EYS: variants seen among roughly 807,000 people sequenced by gnomAD.
EYS encodes protein eyes shut homolog.
In EYS, 250 loss-of-function variants were observed where a neutral mutation model predicts 282.1. The observed-to-expected ratio is 0.89, with a 90% confidence interval of 0.80 to 0.98. EYS has a LOEUF of 0.98. EYS is among the 50% of genes least tolerant of loss of function. The pLI, the probability that EYS is intolerant of heterozygous loss-of-function variation, is 0.00. For missense variants in EYS, 4,016 were observed against 3,709.0 expected, an observed-to-expected ratio of 1.08 and a Z score of -2.15; for synonymous variants, 1,355 against 1,282.9, an observed-to-expected ratio of 1.06 and a Z score of -1.20.
Position 65,071,465 on chromosome 6 carries a change from A to C in EYS, c.2024-13738T>G, listed in dbSNP as rs1052545193. Among the ~76,000 whole-genome samples the C allele has an allele frequency of 2.0e-5, 3 of 151,798 alleles. No homozygotes were observed. The East Asian group carries it at 5.8e-4, about 29-fold the overall frequency. On this transcript the variant is annotated intron_variant, in intron 12 of 42. Coordinates refer to ENST00000503581, the MANE Select transcript of EYS (RefSeq NM_001142800.2). ...ATGGTAGTGTTGAAATAGTTTTTAG[A>C]TTTCTGTGAATGCCCATCTAATAAC...
chr6:65,285,208 C>T (rs555350612), intron 12 of EYS, among the ~76,000 whole-genome samples: 1 of 152,096 alleles, frequency 6.6e-6, no homozygotes, highest in African/African-American at 2.4e-5. Flanking sequence ...TTTTCTGCTA[C>T]ATTTTGTGGC....
chr6:65,613,366 C>T (rs897736278), intron 2 of EYS, among the ~76,000 whole-genome samples: 3 of 151,750 alleles, frequency 2.0e-5, no homozygotes, highest in Non-Finnish European at 4.4e-5. Context: ...ATTCTTCAAG[C>T]AATCTTGTCA....
chr6:63,867,553 G>A (rs1019245305), intron 35 of EYS, among the ~76,000 whole-genome samples: 3 of 152,156 alleles, frequency 2.0e-5, no homozygotes, highest in African/African-American at 7.2e-5. Flanking sequence ...GGATCCATGT[G>A]CCAAGTGGTG....
intron 31 of EYS, among the ~76,000 whole-genome samples, chr6:64,096,641 T>G (rs1288583554): frequency 6.6e-6 from 1 of 152,234 alleles, no homozygotes; most frequent in African/African-American, 2.4e-5. Flanking sequence ...TTATTCTAGT[T>G]AGCCATTCGT....
intron 12 of EYS, among the ~76,000 whole-genome samples, chr6:65,283,262 A>G (rs555692329): frequency 2.6e-5 from 4 of 152,034 alleles, no homozygotes; most frequent in Admixed American, 6.6e-5. Flanking sequence ...AACAAGTCTC[A>G]TTCTGTAATA....
intron 36 of EYS, among the ~76,000 whole-genome samples, chr6:63,808,109 G>A (rs1015331777): frequency 1.3e-5 from 2 of 152,078 alleles, no homozygotes; most frequent in Non-Finnish European, 2.9e-5. Context: ...CTAGATGCTG[G>A]TGACACAAAG....
chr6:64,017,452 G>A (rs969123158), intron 33 of EYS, among the ~76,000 whole-genome samples: 5 of 152,058 alleles, frequency 3.3e-5, no homozygotes, highest in Non-Finnish European at 5.9e-5. Flanking sequence ...TAAAAATCAG[G>A]TAATGTCATA....
intron 28 of EYS, chr6:64,400,174 T>G (rs757361502): frequency 8.6e-5 from 13 of 152,042 alleles, no homozygotes; most frequent in Admixed American, 2.6e-4. Context: ...AGAATTTCTA[T>G]TCATTGTCAC....
intron 30 of EYS, among the ~76,000 whole-genome samples, chr6:64,231,310 A>T (rs1209473961): frequency 1.3e-5 from 2 of 152,014 alleles, no homozygotes; most frequent in Non-Finnish European, 2.9e-5. Context: ...TTTTTTTACA[A>T]ATTTTAATAC....
chr6:64,108,167 C>T (rs778416583), intron 31 of EYS, among the ~76,000 whole-genome samples: 5 of 152,186 alleles, frequency 3.3e-5, no homozygotes, highest in Non-Finnish European at 5.9e-5. Context: ...TGAGGGGAAA[C>T]TCAAAAAAGT....
At chr6:64,860,996 C>T (rs1043984774) in intron 19 of EYS, among the ~76,000 whole-genome samples, 5 of 152,176 alleles carry the variant, frequency 3.3e-5, no homozygotes, top group African/African-American at 1.2e-4. Context: ...AGAAAAAGCA[C>T]CATGAGTTCC....
intron 12 of EYS, among the ~76,000 whole-genome samples, chr6:65,215,814 C>A (rs184927898): frequency 6.6e-6 from 1 of 152,224 alleles, no homozygotes; most frequent in East Asian, 1.9e-4. Context: ...GAGACAAGAC[C>A]CTCCACAAGC....
At chr6:65,423,827 T>C (rs1011791557) in intron 5 of EYS, among the ~76,000 whole-genome samples, 1 of 151,988 alleles carries the variant, frequency 6.6e-6, no homozygotes, top group Non-Finnish European at 1.5e-5. Flanking sequence ...TTTATCTCTC[T>C]GTCTAGTCTT....
At chr6:64,112,538 A>C (rs35979438) in intron 31 of EYS, among the ~76,000 whole-genome samples, 11 of 151,572 alleles carry the variant, frequency 7.3e-5, no homozygotes, top group Non-Finnish European at 1.6e-4. Flanking sequence ...CATACCCACC[A>C]TCTCAAATAC....
intron 28 of EYS, among the ~76,000 whole-genome samples, chr6:64,404,490 C>T (rs998091321): frequency 6.6e-6 from 1 of 151,782 alleles, no homozygotes; most frequent in Admixed American, 6.6e-5. Flanking sequence ...ATTTCAAATC[C>T]CAGCTTTACC....
At chr6:63,735,434 T>A (rs1562001167) in intron 41 of EYS, among the ~76,000 whole-genome samples, 1 of 152,002 alleles carries the variant, frequency 6.6e-6, no homozygotes, top group Non-Finnish European at 1.5e-5. Context: ...TTGCATTTTC[T>A]CATCTTTTTC....
intron 5 of EYS, among the ~76,000 whole-genome samples, chr6:65,414,553 GAAGGAA>G (rs1222062850): frequency 2.6e-5 from 4 of 151,826 alleles, no homozygotes; most frequent in Non-Finnish European, 5.9e-5. Context: ...GATTTAAAGT[GAAGGAA>G]AAGGAAAAGG....
At chr6:64,887,850 G>A (rs1243493633) in intron 18 of EYS, among the ~76,000 whole-genome samples, 1 of 152,048 alleles carries the variant, frequency 6.6e-6, no homozygotes, top group Non-Finnish European at 1.5e-5. Context: ...TCCTGTTAAA[G>A]CATGGCTAGC....
intron 11 of EYS, chr6:65,329,988 T>C (rs1245914557): frequency 4.2e-5 from 41 of 982,776 alleles, no homozygotes; most frequent in Admixed American, 6.2e-5. Flanking sequence ...TCTCCTAAAA[T>C]AGCCTGTAAA....
Sources: allele counts gnomAD v4.1 joint callset (sites outside exome capture counted in the v4.1 genomes callset), GRCh38; gene constraint gnomAD v4.1.1; transcripts MANE v1.5; gene names NCBI Gene and HGNC (gene_info 2026-07-23, HGNC 2026-07-21).